CCDC171: variants seen among roughly 807,000 people sequenced by gnomAD.
CCDC171 encodes the protein coiled-coil domain-containing protein 171.
Under a neutral mutation model 168.2 loss-of-function variants are expected in CCDC171, and 177 were observed. That is an observed-to-expected ratio of 1.05 (90% CI 0.93 to 1.19). CCDC171 has a LOEUF of 1.19. Ranked by LOEUF, CCDC171 falls within the 50% of genes most tolerant of loss-of-function variation. The pLI is 0.00. For missense variants in CCDC171, 1,991 were observed against 1,539.0 expected, an observed-to-expected ratio of 1.29 and a Z score of -4.91; for synonymous variants, 687 against 540.8, an observed-to-expected ratio of 1.27 and a Z score of -3.75.
chr9:15,883,904 C>T (rs73424824), intron 24 of CCDC171, among the ~76,000 whole-genome samples: 2,570 of 152,200 alleles, frequency 0.017, 87 homozygotes, highest in African/African-American at 0.059. Flanking sequence ...ATAGCAGAAT[C>T]AGTATTACAG....
rs528585345 is a variant in CCDC171, at chr9:16,044,688, A to G, written n.89+1802A>G. On this transcript the variant is annotated intron_variant and non_coding_transcript_variant, in intron 1 of 1. Coordinates refer to the CCDC171 transcript ENST00000478913. Reference sequence around the variant, plus strand: ...ATTTGCAGCCATTTTGTTCCCTCCCACAAAGAGGAAGTGCACAGGGAGGAG... The same window carrying G: ...ATTTGCAGCCATTTTGTTCCCTCCCGCAAAGAGGAAGTGCACAGGGAGGAG... Among the ~76,000 whole-genome samples the G allele has an allele frequency of 3.9e-5, 6 of 152,242 alleles. No individual in the cohort carries two copies. In the South Asian group the frequency reaches 1.2e-3, roughly 32 times the overall value.
At chr9:15,701,545 A>T (rs577228006) in intron 11 of CCDC171, among the ~76,000 whole-genome samples, 42 of 144,208 alleles carry the variant, frequency 2.9e-4, no homozygotes, top group Admixed American at 7.0e-4. Flanking sequence ...ATGCCATGCT[A>T]TTTGATACCA....
At chr9:16,103,759 A>T in the CCDC171 span, among the ~76,000 whole-genome samples, 4 of 152,182 alleles carry the variant, frequency 2.6e-5, no homozygotes, top group Non-Finnish European at 5.9e-5. Flanking sequence ...CCATATCAGG[A>T]TTAGCCCAGT....
chr9:15,569,838 C>CAAAAAACAAA (rs373129900), intron 2 of CCDC171, among the ~76,000 whole-genome samples: 1 of 63,504 alleles, frequency 1.6e-5, no homozygotes, highest in Non-Finnish European at 3.7e-5. Flanking sequence ...AAACAAAAAA[C>CAAAAAACAAA]AAACAAACAA....
chr9:15,673,665 T>C (rs139096282), intron 9 of CCDC171, among the ~76,000 whole-genome samples: 1,885 of 152,352 alleles, frequency 0.012, 37 homozygotes, highest in African/African-American at 0.043. Flanking sequence ...CATTTGCATA[T>C]ATTGAACCAG....
At chr9:15,814,475 C>T (rs530963193) in intron 21 of CCDC171, among the ~76,000 whole-genome samples, 2 of 152,108 alleles carry the variant, frequency 1.3e-5, no homozygotes, top group African/African-American at 2.4e-5. Flanking sequence ...AGTACAGAAA[C>T]TGTTACTTCC....
At chr9:15,745,655 T>C (rs769141411) in intron 18 of CCDC171, 24 bp downstream of exon 18, 1 of 1,365,972 alleles carries the variant, frequency 7.3e-7, no homozygotes, top group South Asian at 1.3e-5. Context: ...TTTTATGTCC[T>C]TGCAAAATAC....
intron 25 of CCDC171, among the ~76,000 whole-genome samples, chr9:15,955,066 C>T (rs1197506256): frequency 6.6e-6 from 1 of 152,058 alleles, no homozygotes; most frequent in African/African-American, 2.4e-5. Flanking sequence ...CTCTGGAAAT[C>T]AGATTTTCTC....
intron 3 of CCDC171, among the ~76,000 whole-genome samples, chr9:15,983,815 A>AGTGTGTGTGT (rs563329483): frequency 0.063 from 7,773 of 124,082 alleles, 376 homozygotes; most frequent in South Asian, 0.11. Context: ...CTAAATAAAG[A>AGTGTGTGTGT]GAGTGTGTGT....
At chr9:15,644,941 C>T (rs1374275542) in intron 7 of CCDC171, among the ~76,000 whole-genome samples, 1 of 152,216 alleles carries the variant, frequency 6.6e-6, no homozygotes, top group African/African-American at 2.4e-5. Flanking sequence ...AACACACTAC[C>T]TCTTCAAGAG....
intron 25 of CCDC171, among the ~76,000 whole-genome samples, chr9:15,946,569 C>T (rs1212046886): frequency 2.0e-5 from 3 of 152,014 alleles, no homozygotes; most frequent in African/African-American, 7.2e-5. Context: ...TAGGAAGAAT[C>T]AATATCGTGA....
At chr9:16,095,854 A>G in the CCDC171 span, among the ~76,000 whole-genome samples, 1 of 126,930 alleles carries the variant, frequency 7.9e-6, no homozygotes, top group Non-Finnish European at 1.6e-5. Flanking sequence ...ATGTGTGTAT[A>G]TACACACATA....
intron 25 of CCDC171, among the ~76,000 whole-genome samples, chr9:15,967,830 A>G (rs928308628): frequency 1.3e-5 from 2 of 152,328 alleles, no homozygotes; most frequent in East Asian, 1.9e-4. Context: ...ACTAAATTCT[A>G]GAAGACTTAA....
intron 24 of CCDC171, among the ~76,000 whole-genome samples, chr9:15,880,619 C>T (rs1818503000): frequency 7.8e-6 from 1 of 128,706 alleles, no homozygotes; most frequent in South Asian, 2.7e-4. Flanking sequence ...ACCATGCCCG[C>T]CTAATTGTTT....
the CCDC171 span, among the ~76,000 whole-genome samples, chr9:16,098,544 A>T: frequency 5.5e-3 from 838 of 152,340 alleles, 5 homozygotes; most frequent in Non-Finnish European, 0.011. Context: ...CAGTTTTGGC[A>T]TATGTACAAT....
intron 24 of CCDC171, among the ~76,000 whole-genome samples, chr9:15,885,319 A>G (rs1167351752): frequency 6.6e-6 from 1 of 152,236 alleles, no homozygotes. Context: ...TGATGTGAAC[A>G]TAATTTCTTT....
chr9:15,626,070 C>G (rs1260458511), intron 7 of CCDC171, among the ~76,000 whole-genome samples: 1 of 152,118 alleles, frequency 6.6e-6, no homozygotes, highest in Admixed American at 6.5e-5. Context: ...ATTTTATTCT[C>G]TTTGTAGCAA....
chr9:15,607,826 TG>T (rs2043336555), intron 6 of CCDC171, among the ~76,000 whole-genome samples: 1 of 152,242 alleles, frequency 6.6e-6, no homozygotes, highest in Non-Finnish European at 1.5e-5. Flanking sequence ...GTTTAACTGC[TG>T]TATAATATTT....
chr9:15,807,269 A>C (rs1488531088), intron 21 of CCDC171, among the ~76,000 whole-genome samples: 1 of 152,166 alleles, frequency 6.6e-6, no homozygotes, highest in African/African-American at 2.4e-5. Context: ...TAGTGTAGTC[A>C]TTTGGAGGAT....
Sources: allele counts gnomAD v4.1 joint callset (sites outside exome capture counted in the v4.1 genomes callset), GRCh38; gene constraint gnomAD v4.1.1; transcripts MANE v1.5; gene names NCBI Gene and HGNC (gene_info 2026-07-23, HGNC 2026-07-21).